The following TRMT5 variants were observed in gnomAD, a reference collection of about 807,000 sequenced individuals.
TRMT5 encodes the protein tRNA (guanine(37)-N(1))-methyltransferase.
Under a neutral mutation model 42.2 loss-of-function variants are expected in TRMT5, and 31 were observed. The ratio of observed to expected loss-of-function variants is 0.73; its 90% confidence interval spans 0.55 to 0.99. The LOEUF (loss-of-function observed/expected upper bound fraction) is 0.99. Among genes scored for constraint, TRMT5 ranks in the 50% least tolerant of loss-of-function variants. TRMT5 has a pLI of 0.00. For missense variants in TRMT5, 568 were observed against 595.0 expected (o/e 0.95, Z 0.47); for synonymous variants, 198 against 209.6 (o/e 0.94, Z 0.48).
In TRMT5 at chr14:60,981,047, T is replaced by A. The variant is rs755881753; in HGVS notation, c.-74A>T. 1.2e-6 allele frequency: 2 copies of A among 1,609,174 alleles called. No homozygotes were observed. Among genetic ancestry groups the A allele is most frequent in the Admixed American group, 1.7e-5 (1 of 60,028 alleles). ...ACCTCCCGCTCCGGTACCGATCGGATGTGGGTCGCGGGTGGATGGGCGGGT... is the reference window on the plus strand; with the variant it reads ...ACCTCCCGCTCCGGTACCGATCGGAAGTGGGTCGCGGGTGGATGGGCGGGT... On this transcript the variant is annotated 5_prime_UTR_variant, in exon 1 of 5. Transcript: ENST00000261249.
At chr14:60,980,055 G>A (rs1353422776) in intron 1 of TRMT5, among the ~76,000 whole-genome samples, 169 bp from the exon 2 acceptor site, 1 of 152,154 alleles carries the variant, frequency 6.6e-6, no homozygotes, top group East Asian at 1.9e-4. Flanking sequence ...AGTCGTATTA[G>A]TGGTAGATAA....
At chr14:60,981,447 T>G (rs1594934297), upstream of TRMT5, 1 of 1,547,260 alleles carries the variant, frequency 6.5e-7, no homozygotes, top group Non-Finnish European at 8.7e-7. Context: ...GCCTGCCAAA[T>G]AAGACCCAGA....
rs377184343 is a variant in TRMT5, at chr14:60,977,677, G to C, written c.668-39C>G. 3.4e-5 allele frequency: 52 copies of C among 1,535,222 alleles called. 1 individual carries two copies. In the East Asian group the frequency reaches 7.6e-4, roughly 22 times the overall value. ...TGAAAATCCATAATACTGCCTATTG[G>C]TTGCAAAATAAAAGCTAACATTGTT... On this transcript the variant is annotated intron_variant, in intron 2 of 4. Coordinates refer to ENST00000261249, the MANE Select transcript of TRMT5 (RefSeq NM_020810.3).
Position 60,975,855 on chromosome 14 carries a change from T to C in TRMT5, c.1064A>G (p.Asp355Gly), listed in dbSNP as rs755323277. 1.2e-6 allele frequency: 2 copies of C among 1,614,198 alleles called. No individual in the cohort carries two copies. Among genetic ancestry groups the C allele is most frequent in the Admixed American group, 1.7e-5 (1 of 60,022 alleles). ...VDQKVKVFNL[D>G]GKDFLQGPVK... is the part of the protein sequence containing the mutation. ...TGGTCCTTGGAGGAAGTCTTTCCCATCCAAGTTGAAGACTTTCACCTTTTG... is the reference window on the plus strand; with the variant it reads ...TGGTCCTTGGAGGAAGTCTTTCCCACCCAAGTTGAAGACTTTCACCTTTTG... Residue 355 changes from aspartate to glycine, a missense_variant, in exon 4 of 5, where the codon GAT (aspartate) becomes GGT (glycine). Physicochemically the swap from Asp to Gly is moderately conservative, Grantham distance 94 (BLOSUM62 -1). Coordinates refer to ENST00000261249, the MANE Select transcript of TRMT5 (RefSeq NM_020810.3).
At position 60,975,092 on chromosome 14, in the gene TRMT5, G is replaced by A. The variant is rs752832116; in HGVS notation, c.*17C>T. Reference sequence around the variant, plus strand: ...CTACATGTAAGTCTGGTAGGGAGATGGAGAAAACATTTCCAATTAAGTGTT... The same window carrying A: ...CTACATGTAAGTCTGGTAGGGAGATAGAGAAAACATTTCCAATTAAGTGTT... On this transcript the variant is annotated 3_prime_UTR_variant, in exon 5 of 5. Transcript: ENST00000261249. The A allele has an allele frequency of 1.3e-6, 2 of 1,590,866 alleles. No homozygotes were observed. Among genetic ancestry groups the A allele is most frequent in the South Asian group, 2.3e-5 (2 of 88,200 alleles).
chr14:60,975,774 A>G lies in TRMT5; in HGVS notation c.1145T>C (p.Val382Ala). 1 of 1,614,262 alleles carries G rather than the reference A, an allele frequency of 6.2e-7. No individual in the cohort carries two copies. Among genetic ancestry groups the G allele is most frequent in the Non-Finnish European group, 8.5e-7 (1 of 1,180,048 alleles). ...LGLSKERKPSVHVVMNLPAKA... is the reference protein window; with the variant it reads ...LGLSKERKPSAHVVMNLPAKA... ...TGCTGGCAAGTTCATGACAACGTGC[A>G]CAGAGGGTTTTCTTTCTTTTGACAG... Residue 382 changes from valine to alanine, a missense_variant, in exon 4 of 5, where the codon GTG becomes GCG. Transcript: ENST00000261249.
At position 60,972,300 on chromosome 14, in the gene TRMT5, T is replaced by C; in HGVS notation, c.*2809A>G. 1.9e-6 allele frequency: 1 copy of C among 538,102 alleles called. No homozygotes were observed. The highest frequency in any genetic ancestry group is 3.7e-6 in the Non-Finnish European group (1 of 268,628). 33.3% of individuals were successfully genotyped at this position (538,102 alleles called of 1,614,324 possible). A position where few individuals can be genotyped will look rare whatever the true frequency, so the allele number is the denominator to read the frequency against. On this transcript the variant is annotated 3_prime_UTR_variant, in exon 5 of 5. Coordinates refer to ENST00000261249, the MANE Select transcript of TRMT5 (RefSeq NM_020810.3). Reference sequence around the variant, plus strand: ...CTTGCCAGCATCAGCTTTTCTCTTTTTCCCTTTGGGTACCTTCTCTCCCTT... The same window carrying C: ...CTTGCCAGCATCAGCTTTTCTCTTTCTCCCTTTGGGTACCTTCTCTCCCTT...
intron 2 of TRMT5, 74 bp from the exon 3 acceptor site, chr14:60,977,712 C>T: frequency 7.1e-7 from 1 of 1,407,090 alleles, no homozygotes; most frequent in Non-Finnish European, 9.5e-7. Flanking sequence ...TAATATGAAA[C>T]AGAAATGAGT....
At chr14:60,977,484 T>C (rs1044722341) in intron 3 of TRMT5, 30 bp downstream of exon 3, 2 of 1,582,086 alleles carry the variant, frequency 1.3e-6, no homozygotes, top group Non-Finnish European at 1.7e-6. Flanking sequence ...AATATTGATA[T>C]ACACCTTACT....
In TRMT5 at chr14:60,975,703, G is replaced by A; in HGVS notation, c.1216C>T (p.Gln406Ter). Residue 406 changes from glutamine to a stop codon, truncating the protein, a stop_gained, in exon 4 of 5, where the codon CAG becomes TAG. Transcript: ENST00000261249. LOFTEE classifies it high-confidence loss of function. ...LSAFKWLLDG[Q>*]PCSSEFLPIV... ...GGAAGGAACTCACTGCTGCATGGCT[G>A]CCCATCTAAAAGCCACTTGAAAGCA... The A allele has an allele frequency of 1.9e-6, 3 of 1,614,178 alleles. No homozygotes were observed. Among genetic ancestry groups the A allele is most frequent in the Non-Finnish European group, 2.5e-6 (3 of 1,180,048 alleles).
At position 60,979,886 on chromosome 14, in the gene TRMT5, C is replaced by G. The variant is rs775638864; in HGVS notation, c.12G>C (p.Trp4Cys). ...AGAATCCAAATGGCCTCCATAAGAT[C>G]CTTAAAAAAAAAAAAAAAAAATTCA... Reference protein sequence around the residue: MVLWILWRPFGFSG... With the variant: MVLCILWRPFGFSG... Residue 4 changes from tryptophan to cysteine, a missense_variant and splice_region_variant, in exon 2 of 5, where the codon TGG (tryptophan) becomes TGC (cysteine). Physicochemically the swap from Trp to Cys is radical, Grantham distance 215. Transcript: ENST00000261249. 1.3e-6 allele frequency: 2 copies of G among 1,493,968 alleles called. No individual in the cohort carries two copies. The highest frequency in any genetic ancestry group is 1.8e-6 in the Non-Finnish European group (2 of 1,129,982). 92.5% of individuals were successfully genotyped at this position (1,493,968 alleles called of 1,614,324 possible).
chr14:60,977,391 A>T, intron 3 of TRMT5, 123 bp downstream of exon 3: 3 of 936,672 alleles, frequency 3.2e-6, no homozygotes, highest in Non-Finnish European at 4.6e-6. Context: ...TAGCATACAT[A>T]AGTGATCACA....
chr14:60,975,274 AT>A, intron 4 of TRMT5, 80 bp from the exon 5 acceptor site: 1 of 1,352,688 alleles, frequency 7.4e-7, no homozygotes, highest in Non-Finnish European at 1.0e-6. Flanking sequence ...CAATATAGGC[AT>A]TTTTAATCTA....
At chr14:60,980,939 C>A (rs1029322322) in intron 1 of TRMT5, 24 bp downstream of exon 1, 1 of 1,612,638 alleles carries the variant, frequency 6.2e-7, no homozygotes, top group Non-Finnish European at 8.5e-7. Context: ...GGACCATTAG[C>A]CCCTAACGCG....
Position 60,975,556 on chromosome 14 carries a change from C to T in TRMT5, c.1363G>A (p.Val455Met). The T allele has an allele frequency of 6.2e-7, 1 of 1,614,212 alleles. No individual in the cohort carries two copies. The highest frequency in any genetic ancestry group is 8.5e-7 in the Non-Finnish European group (1 of 1,180,022). ...CACAGCATTTCCTTGTTTGGGGCCA[C>T]ATTTCTTACCAGGTGAACTGAACTG... is the stretch of plus-strand genomic sequence containing the variant. Reference protein sequence around the residue: ...ACSSVHLVRNVAPNKEMLCIT... With the variant: ...ACSSVHLVRNMAPNKEMLCIT... Residue 455 changes from valine to methionine, a missense_variant, in exon 4 of 5, where the codon GTG (valine) becomes ATG (methionine). Physicochemically the swap from Val to Met is conservative, Grantham distance 21 (BLOSUM62 1). Coordinates refer to ENST00000261249, the MANE Select transcript of TRMT5 (RefSeq NM_020810.3).
At chr14:60,981,609 CG>C, upstream of TRMT5, 1 of 1,481,906 alleles carries the variant, frequency 6.7e-7, no homozygotes. Flanking sequence ...TGAAAAGCGT[CG>C]GGTGGAAGAG....
At position 60,977,495 on chromosome 14, in the gene TRMT5, T is replaced by A. The variant is rs2036863013; in HGVS notation, c.792+19A>T. 1 of 1,592,166 alleles carries A rather than the reference T, an allele frequency of 6.3e-7. No individual in the cohort carries two copies. The highest frequency in any genetic ancestry group is 8.5e-7 in the Non-Finnish European group (1 of 1,172,270). ...ACATAATATTGATATACACCTTACT[T>A]GGAGATAATAAAATATACCTTTGTC... On this transcript the variant is annotated intron_variant, in intron 3 of 4. Coordinates refer to ENST00000261249, the MANE Select transcript of TRMT5 (RefSeq NM_020810.3).
At position 60,979,423 on chromosome 14, in the gene TRMT5, A is replaced by C. The variant is rs1197131507; in HGVS notation, c.475T>G (p.Leu159Val). 6.2e-7 allele frequency: 1 copy of C among 1,614,028 alleles called. No homozygotes were observed. Among genetic ancestry groups the C allele is most frequent in the Non-Finnish European group, 8.5e-7 (1 of 1,180,012 alleles). Residue 159 changes from leucine (L) to valine (V), a missense_variant, in exon 2 of 5, where the codon TTA (leucine) becomes GTA (valine). Transcript: ENST00000261249. ...DSFEKAELSVLEQLNVSPQIS... is the reference protein window; with the variant it reads ...DSFEKAELSVVEQLNVSPQIS... ...TGTGGACTGACATTAAGCTGCTCTAAAACACTGAGTTCTGCTTTCTCAAAG... is the reference window on the plus strand; with the variant it reads ...TGTGGACTGACATTAAGCTGCTCTACAACACTGAGTTCTGCTTTCTCAAAG...
At position 60,979,494 on chromosome 14, in the gene TRMT5, C is replaced by T; in HGVS notation, c.404G>A (p.Ser135Asn). Residue 135 changes from serine to asparagine, a missense_variant, in exon 2 of 5, where the codon AGT (serine) becomes AAT (asparagine). Coordinates refer to ENST00000261249, the MANE Select transcript of TRMT5 (RefSeq NM_020810.3). ...RVIEDPEDKE[S>N]RLIMLDPYKI... ...ATAGGGATCCAACATGATTAGTCTA[C>T]TTTCTTTATCTTCCGGATCTTCAAT... The T allele has an allele frequency of 6.2e-7, 1 of 1,614,168 alleles. No individual in the cohort carries two copies. The highest frequency in any genetic ancestry group is 1.3e-5 in the African/African-American group (1 of 75,056).
Sources: allele counts gnomAD v4.1 joint callset (sites outside exome capture counted in the v4.1 genomes callset), GRCh38; gene constraint gnomAD v4.1.1; transcripts MANE v1.5; gene names NCBI Gene and HGNC (gene_info 2026-07-23, HGNC 2026-07-21).